The following CNNM2 variants were observed in gnomAD, a reference collection of about 807,000 sequenced individuals.
The protein encoded by CNNM2 is metal transporter CNNM2.
In CNNM2, 12 loss-of-function variants were observed where a neutral mutation model predicts 66.9. That is an observed-to-expected ratio of 0.18 (90% CI 0.11 to 0.29). CNNM2 has a LOEUF of 0.29. Ranked by LOEUF, CNNM2 falls within the 10% of genes least tolerant of loss-of-function variation. The probability of loss-of-function intolerance (pLI) is 1.00; values close to 1 mark genes in which losing one functional copy is unlikely to be tolerated. For missense variants in CNNM2, 705 were observed against 1,167.7 expected, an observed-to-expected ratio of 0.60 and a Z score of 5.77; for synonymous variants, 557 against 501.8, an observed-to-expected ratio of 1.11 and a Z score of -1.47.
At chr10:103,026,193 A>G (rs1281279686) in intron 1 of CNNM2, among the ~76,000 whole-genome samples, 1 of 152,204 alleles carries the variant, frequency 6.6e-6, no homozygotes, top group East Asian at 1.9e-4. Flanking sequence ...GGGTATTGTG[A>G]TGTAGCAGCA....
At chr10:103,050,386 C>T (rs2065195958) in intron 2 of CNNM2, among the ~76,000 whole-genome samples, 1 of 151,906 alleles carries the variant, frequency 6.6e-6, no homozygotes. Flanking sequence ...ACAAAATTAG[C>T]TGGGCGTAGT....
intron 1 of CNNM2, among the ~76,000 whole-genome samples, chr10:103,000,559 T>A (rs778987221): frequency 5.9e-5 from 9 of 152,084 alleles, no homozygotes; most frequent in Non-Finnish European, 1.2e-4. Flanking sequence ...GTTCAAGCAA[T>A]TCTTGTGCCT....
chr10:102,966,412 T>C (rs2063465294), intron 1 of CNNM2, among the ~76,000 whole-genome samples: 1 of 152,206 alleles, frequency 6.6e-6, no homozygotes, highest in Non-Finnish European at 1.5e-5. Flanking sequence ...GGCAGACATC[T>C]GAGGTCAGGA....
intron 4 of CNNM2, among the ~76,000 whole-genome samples, chr10:103,066,545 C>T (rs550904636): frequency 1.6e-3 from 242 of 152,324 alleles, no homozygotes; most frequent in Non-Finnish European, 2.8e-3. Flanking sequence ...CAGCTGCCTT[C>T]CAGATGTGCC....
At chr10:102,994,563 C>T (rs747390696) in intron 1 of CNNM2, among the ~76,000 whole-genome samples, 1 of 152,190 alleles carries the variant, frequency 6.6e-6, no homozygotes, top group African/African-American at 2.4e-5. Context: ...AACTGGCCAA[C>T]AAAATAGCTG....
intron 1 of CNNM2, among the ~76,000 whole-genome samples, chr10:103,024,559 A>G (rs1206945832): frequency 6.6e-6 from 1 of 151,962 alleles, no homozygotes; most frequent in Non-Finnish European, 1.5e-5. Flanking sequence ...GCTCACTGCA[A>G]TCTCCGCCTC....
rs1245902153 is a variant in CNNM2, at chr10:103,088,235, T to C, written c.*11055T>C. 5 of 152,152 alleles carry C rather than the reference T, an allele frequency of 3.3e-5. No individual in the cohort carries two copies. Among genetic ancestry groups the C allele is most frequent in the African/African-American group, 7.2e-5 (3 of 41,450 alleles). The allele number at this position is 152,152 out of a possible 1,614,324, so 9.4% of individuals were successfully genotyped here. A position where few individuals can be genotyped will look rare whatever the true frequency, so the allele number is the denominator to read the frequency against. The stretch of plus-strand genomic sequence containing the variant: ...GACCAATGACAAGAATGGAAGAAAA[T>C]ATACAATGGTTAAAGAAAGAGTCTA... On this transcript the variant is annotated 3_prime_UTR_variant, in exon 8 of 8. Transcript: ENST00000369878.
chr10:103,010,349 C>G (rs550437043), intron 1 of CNNM2, among the ~76,000 whole-genome samples: 64 of 150,802 alleles, frequency 4.2e-4, no homozygotes, highest in African/African-American at 1.6e-3. Context: ...GTGATCCTCC[C>G]ACGTCAGCCT....
At chr10:102,994,566 A>C (rs2063954453) in intron 1 of CNNM2, among the ~76,000 whole-genome samples, 1 of 152,202 alleles carries the variant, frequency 6.6e-6, no homozygotes, top group Non-Finnish European at 1.5e-5. Flanking sequence ...TGGCCAACAA[A>C]ATAGCTGCCA....
intron 1 of CNNM2, among the ~76,000 whole-genome samples, chr10:102,989,166 T>A (rs1186936256): frequency 6.6e-6 from 1 of 152,218 alleles, no homozygotes; most frequent in Non-Finnish European, 1.5e-5. Flanking sequence ...AACGTATGTC[T>A]ATTTAGATAA....
chr10:103,005,089 A>AT (rs879647612), intron 1 of CNNM2, among the ~76,000 whole-genome samples: 4 of 151,208 alleles, frequency 2.6e-5, no homozygotes, highest in Non-Finnish European at 5.9e-5. Context: ...ATTTTTTTGT[A>AT]TTTTTAGTAG....
At chr10:103,033,994 G>A (rs2134306135) in intron 1 of CNNM2, among the ~76,000 whole-genome samples, 1 of 152,032 alleles carries the variant, frequency 6.6e-6, no homozygotes, top group Non-Finnish European at 1.5e-5. Flanking sequence ...GGAAGACCTT[G>A]AAATATTTTC....
intron 1 of CNNM2, among the ~76,000 whole-genome samples, chr10:102,997,917 C>T (rs891922950): frequency 6.6e-6 from 1 of 152,090 alleles, no homozygotes; most frequent in African/African-American, 2.4e-5. Flanking sequence ...ACTGACATTA[C>T]TTCATGGTTT....
chr10:102,934,714 C>T (rs558583389), intron 1 of CNNM2, among the ~76,000 whole-genome samples: 5 of 152,194 alleles, frequency 3.3e-5, no homozygotes, highest in Admixed American at 6.5e-5. Flanking sequence ...TGTTGTGGCA[C>T]GCACCTGTAG....
At chr10:103,010,019 TATC>T (rs779159130) in intron 1 of CNNM2, among the ~76,000 whole-genome samples, 28 of 152,072 alleles carry the variant, frequency 1.8e-4, no homozygotes, top group Admixed American at 1.2e-3. Context: ...TTTATTAAAA[TATC>T]ATGTCAAATA....
At chr10:102,947,172 A>C (rs1846646489) in intron 1 of CNNM2, among the ~76,000 whole-genome samples, 1 of 152,128 alleles carries the variant, frequency 6.6e-6, no homozygotes, top group African/African-American at 2.4e-5. Flanking sequence ...CATACATTTT[A>C]ATCATTTTCC....
At chr10:103,005,604 G>A (rs914368691) in intron 1 of CNNM2, among the ~76,000 whole-genome samples, 2 of 152,006 alleles carry the variant, frequency 1.3e-5, no homozygotes, top group Admixed American at 6.6e-5. Context: ...AGCTGAGACC[G>A]CACCACTGCA....
At chr10:103,011,525 T>A in intron 1 of CNNM2, among the ~76,000 whole-genome samples, 1 of 152,004 alleles carries the variant, frequency 6.6e-6, no homozygotes, top group South Asian at 2.1e-4. Context: ...TTATAAAAAA[T>A]GCTTCAAGAA....
chr10:103,051,981 T>C (rs2065220754), intron 2 of CNNM2, among the ~76,000 whole-genome samples: 3 of 151,438 alleles, frequency 2.0e-5, no homozygotes, highest in African/African-American at 7.3e-5. Context: ...AATGACTGTT[T>C]AAAAACCAAC....
Sources: allele counts gnomAD v4.1 joint callset (sites outside exome capture counted in the v4.1 genomes callset), GRCh38; gene constraint gnomAD v4.1.1; transcripts MANE v1.5; gene names NCBI Gene and HGNC (gene_info 2026-07-23, HGNC 2026-07-21).